CEMIP2: variants seen among roughly 807,000 people sequenced by gnomAD.
The protein encoded by CEMIP2 is cell surface hyaluronidase CEMIP2.
A neutral mutation model predicts 146.9 loss-of-function variants in CEMIP2; 79 were observed. The ratio of observed to expected loss-of-function variants is 0.54; its 90% CI spans 0.45 to 0.65. CEMIP2 has a LOEUF of 0.65. CEMIP2 is among the 30% of genes least tolerant of loss of function. The pLI is 0.00. For synonymous variants in CEMIP2, 601 were observed against 606.3 expected, an observed-to-expected ratio of 0.99 and a Z score of 0.13; for missense variants, 1,596 against 1,696.2, an observed-to-expected ratio of 0.94 and a Z score of 1.04.
At chr9:71,698,818 A>C (rs1822472905) in intron 19 of CEMIP2, among the ~76,000 whole-genome samples, 1 of 152,192 alleles carries the variant, frequency 6.6e-6, no homozygotes, top group South Asian at 2.1e-4. Flanking sequence ...TGAATGAAAA[A>C]GTCTAACTTC....
chr9:71,690,330 T>C (rs113174374), intron 21 of CEMIP2, 84 bp from the exon 22 acceptor site: 1 of 1,490,104 alleles, frequency 6.7e-7, no homozygotes, highest in African/African-American at 1.4e-5. Context: ...CCTTTCCCTG[T>C]GTCTTCTAAA....
intron 20 of CEMIP2, among the ~76,000 whole-genome samples, chr9:71,697,273 G>T (rs1822429552): frequency 6.6e-6 from 1 of 152,170 alleles, no homozygotes; most frequent in Admixed American, 6.5e-5. Flanking sequence ...AATCAGGGCA[G>T]CTCCATCCTT....
intron 10 of CEMIP2, among the ~76,000 whole-genome samples, chr9:71,728,961 G>A (rs149018024): frequency 3.0e-4 from 46 of 151,730 alleles, no homozygotes; most frequent in Non-Finnish European, 6.2e-4. Context: ...CTCCCAAGTC[G>A]CTGGGACAAT....
At position 71,722,511 on chromosome 9, in the gene CEMIP2, C is replaced by G. The variant is rs760594197; in HGVS notation, c.2183G>C (p.Gly728Ala). ...NNRVHSNFKAGLFIDKGVKTT... is the reference protein window; with the variant it reads ...NNRVHSNFKAALFIDKGVKTT... ...TTTGACACCTTTGTCAATAAATAAG[C>G]CAGCCTGAAAAATATAAATAATGGA... Residue 728 changes from glycine to alanine, a missense_variant, in exon 12 of 24, where the codon GGC (glycine) becomes GCC (alanine). Transcript: ENST00000377044. 6.2e-7 allele frequency: 1 copy of G among 1,611,332 alleles called. No individual in the cohort carries two copies. Among genetic ancestry groups the G allele is most frequent in the Non-Finnish European group, 8.5e-7 (1 of 1,178,244 alleles).
chr9:71,759,825 A>T (rs949263155), intron 1 of CEMIP2, among the ~76,000 whole-genome samples: 2 of 7,816 alleles, frequency 2.6e-4, no homozygotes. Context: ...GGGTACGGGG[A>T]GGTGGGGGGG....
intron 4 of CEMIP2, among the ~76,000 whole-genome samples, chr9:71,742,695 A>G (rs145307216): frequency 6.6e-6 from 1 of 152,370 alleles, no homozygotes; most frequent in African/African-American, 2.4e-5. Flanking sequence ...ACAAGTTGTA[A>G]TCCCTGGCAT....
chr9:71,709,617 GGCACTC>G, intron 16 of CEMIP2, 143 bp from the exon 17 acceptor site: 1 of 677,730 alleles, frequency 1.5e-6, no homozygotes, highest in Non-Finnish European at 2.5e-6. Flanking sequence ...TGTCAGCTAT[GGCACTC>G]AAGTCAGCCT....
At chr9:71,750,469 T>G in intron 1 of CEMIP2, 84 bp from the exon 2 acceptor site, 1 of 1,035,698 alleles carries the variant, frequency 9.7e-7, no homozygotes, top group Non-Finnish European at 1.3e-6. Context: ...GAGATGGAGT[T>G]TCACTCTTGT....
chr9:71,756,254 ATATG>A (rs1394800421), intron 1 of CEMIP2, among the ~76,000 whole-genome samples: 1 of 133,280 alleles, frequency 7.5e-6, no homozygotes, highest in Non-Finnish European at 1.7e-5. Flanking sequence ...ATATATATAT[ATATG>A]TATATATACA....
chr9:71,722,170 T>A (rs558528622), intron 12 of CEMIP2, among the ~76,000 whole-genome samples: 1 of 152,316 alleles, frequency 6.6e-6, no homozygotes, highest in Admixed American at 6.5e-5. Flanking sequence ...TTCTTTCTCT[T>A]TCTGCAACTC....
Position 71,698,063 on chromosome 9 carries a change from C to T in CEMIP2, c.3519G>A (p.Gln1173=). Residue 1173 remains glutamine (Q), a synonymous_variant, in exon 20 of 24, where the codon CAG becomes CAA. Transcript: ENST00000377044. Reference sequence around the variant, plus strand: ...TGACCACTGACGGCTTTCTGTAGTACTGTGGGTATGCTTTGGCCATGCAGT... The same window carrying T: ...TGACCACTGACGGCTTTCTGTAGTATTGTGGGTATGCTTTGGCCATGCAGT... ...ISNCMAKAYP[Q]YYRKPSVVKR... is the part of the protein sequence containing the mutation. 1 of 1,614,152 alleles carries T rather than the reference C, an allele frequency of 6.2e-7. No individual in the cohort carries two copies. The highest frequency in any genetic ancestry group is 8.5e-7 in the Non-Finnish European group (1 of 1,180,034).
rs1404898453 is a variant in CEMIP2 at position 71,701,865 on chromosome 9, C to CAATA, written c.3195-1045_3195-1042dup. Among the ~76,000 whole-genome samples the CAATA allele has an allele frequency of 2.0e-5, 3 of 152,146 alleles. No individual in the cohort carries two copies. The East Asian group carries it at 5.8e-4, about 29-fold the overall frequency. On this transcript the variant is annotated intron_variant, in intron 18 of 23. Coordinates refer to ENST00000377044, the MANE Select transcript of CEMIP2 (RefSeq NM_013390.3). The stretch of plus-strand genomic sequence containing the variant: ...AATTTTTAGCCATATGGTTCAGTGG[C>CAATA]AATAAGTACATTCTCAATGTTGTTC...
intron 21 of CEMIP2, among the ~76,000 whole-genome samples, chr9:71,692,198 C>T (rs7854788): frequency 0.82 from 124,583 of 151,614 alleles, 51,741 homozygotes; most frequent in East Asian, 0.99. Context: ...ATGTAAAAAG[C>T]ATTGGGGATA....
In CEMIP2 at chr9:71,685,410, A is replaced by AAAG. The variant is rs1554678971; in HGVS notation, c.3956-18_3956-17insCTT. 3 of 1,482,644 alleles carry AAAG rather than the reference A, an allele frequency of 2.0e-6. No homozygotes were observed. Among genetic ancestry groups the AAAG allele is most frequent in the East Asian group, 2.5e-5 (1 of 40,020 alleles). 91.8% of individuals were successfully genotyped at this position (1,482,644 alleles called of 1,614,324 possible). A position where few individuals can be genotyped will look rare whatever the true frequency, so the allele number is the denominator to read the frequency against. On this transcript the variant is annotated splice_polypyrimidine_tract_variant and intron_variant, in intron 23 of 23. Transcript: ENST00000377044. Reference sequence around the variant, plus strand: ...TGGTACTCCCTAAAAAAAAAAAAAAAAAAGAAAAAGAAAAAAAATCAATTT... The same window carrying AAAG: ...TGGTACTCCCTAAAAAAAAAAAAAAAAAGAAAGAAAAAGAAAAAAAATCAATTT...
At chr9:71,746,427 A>G (rs556503781) in intron 2 of CEMIP2, 86 bp from the exon 3 acceptor site, 98 of 1,509,372 alleles carry the variant, frequency 6.5e-5, no homozygotes, top group South Asian at 4.9e-4. Flanking sequence ...TTTACTGCAG[A>G]TCTGCAAAAA....
Position 71,734,407 on chromosome 9 carries a change from T to C in CEMIP2, c.1393+399A>G, listed in dbSNP as rs62547052. On this transcript the variant is annotated intron_variant, in intron 6 of 23. Coordinates refer to ENST00000377044, the MANE Select transcript of CEMIP2 (RefSeq NM_013390.3). ...TCAGGAAAAATAGCTAATGCATGCTTGGATTAATACTTAGGTGAAGGGTTG... is the reference window on the plus strand; with the variant it reads ...TCAGGAAAAATAGCTAATGCATGCTCGGATTAATACTTAGGTGAAGGGTTG... Among the ~76,000 whole-genome samples the C allele has an allele frequency of 4.1e-3, 628 of 152,142 alleles. 7 individuals carry two copies. The highest frequency in any genetic ancestry group is 0.014 in the African/African-American group (583 of 41,514).
At chr9:71,718,790 T>C (rs1272584961) in intron 12 of CEMIP2, among the ~76,000 whole-genome samples, 2 of 152,144 alleles carry the variant, frequency 1.3e-5, no homozygotes, top group African/African-American at 4.8e-5. Context: ...TTGGCCAGGC[T>C]GGTCTCGAAC....
In CEMIP2 at chr9:71,692,326, C is replaced by A. The variant is rs1293490999; in HGVS notation, c.3697-2080G>T. ...TTTTTTTTTTTTTTTTTTGGCAAAA[C>A]GCTCTCCCCATCTCTCTCTCTCTCT... is the stretch of plus-strand genomic sequence containing the variant. On this transcript the variant is annotated intron_variant, in intron 21 of 23. Transcript: ENST00000377044. 5.3e-5 allele frequency among the ~76,000 whole-genome samples: 5 copies of A among 93,748 alleles called. No individual in the cohort carries two copies. The East Asian group carries it at 1.3e-3, about 25-fold the overall frequency. 61.5% of individuals were successfully genotyped at this position (93,748 alleles called of 152,430 possible).
At chr9:71,719,450 A>G (rs1823166890) in intron 12 of CEMIP2, among the ~76,000 whole-genome samples, 1 of 152,216 alleles carries the variant, frequency 6.6e-6, no homozygotes, top group South Asian at 2.1e-4. Flanking sequence ...TGCAATGGGA[A>G]GTCAATGGAA....
Sources: allele counts gnomAD v4.1 joint callset (sites outside exome capture counted in the v4.1 genomes callset), GRCh38; gene constraint gnomAD v4.1.1; transcripts MANE v1.5; gene names NCBI Gene and HGNC (gene_info 2026-07-23, HGNC 2026-07-21).